KCNIP1: variants seen among roughly 807,000 people sequenced by gnomAD.
KCNIP1 encodes the protein A-type potassium channel modulatory protein KCNIP1.
Under a neutral mutation model 33.0 loss-of-function variants are expected in KCNIP1, and 18 were observed. That is an observed-to-expected ratio of 0.55 (90% CI 0.38 to 0.81). The LOEUF (loss-of-function observed/expected upper bound fraction) is 0.81, where lower values mean the gene tolerates loss of function less well. Among genes scored for constraint, KCNIP1 ranks in the 30% least tolerant of loss-of-function variants. The pLI is 0.00. For missense variants in KCNIP1, 238 were observed against 271.6 expected, an observed-to-expected ratio of 0.88 and a Z score of 0.87; for synonymous variants, 93 against 98.3, an observed-to-expected ratio of 0.95 and a Z score of 0.32.
chr5:170,680,129 G>C (rs918103891), intron 1 of KCNIP1, among the ~76,000 whole-genome samples: 2 of 152,084 alleles, frequency 1.3e-5, no homozygotes, highest in African/African-American at 4.8e-5. Flanking sequence ...CTTTACACAG[G>C]TTCTCTTATT....
intron 1 of KCNIP1, among the ~76,000 whole-genome samples, chr5:170,592,956 T>A (rs1398427464): frequency 6.6e-6 from 1 of 151,996 alleles, no homozygotes; most frequent in Non-Finnish European, 1.5e-5. Flanking sequence ...GGATGTAAAA[T>A]AGCCCAGCTA....
chr5:170,707,614 A>G lies in KCNIP1; in HGVS notation c.62-11144A>G, dbSNP rs111645581. On this transcript the variant is annotated intron_variant, in intron 1 of 7. Coordinates refer to ENST00000328939, the MANE Select transcript of KCNIP1 (RefSeq NM_014592.4). Reference sequence around the variant, plus strand: ...CTGCTCCTGAGAATCTGTAAGGGACATTTGACACTCCTCTCCCCACCCACC... The same window carrying G: ...CTGCTCCTGAGAATCTGTAAGGGACGTTTGACACTCCTCTCCCCACCCACC... Among the ~76,000 whole-genome samples the G allele has an allele frequency of 3.5e-3, 534 of 152,286 alleles. 2 individuals carry two copies. The highest frequency in any genetic ancestry group is 0.012 in the African/African-American group (489 of 41,558).
At chr5:170,498,779 T>C (rs1370092268) in intron 1 of KCNIP1, among the ~76,000 whole-genome samples, 1 of 152,168 alleles carries the variant, frequency 6.6e-6, no homozygotes, top group Non-Finnish European at 1.5e-5. Flanking sequence ...GAGAGACAAG[T>C]GCTTTCCCTT....
chr5:170,735,908 A>G lies in KCNIP1; in HGVS notation c.*102A>G. ...CTGATTTTACACACCAACTCTTGGG[A>G]CAGAAACACCTTTTACACTTTGGAA... On this transcript the variant is annotated 3_prime_UTR_variant, in exon 8 of 8. Coordinates refer to ENST00000328939, the MANE Select transcript of KCNIP1 (RefSeq NM_014592.4). 1 of 1,007,062 alleles carries G rather than the reference A, an allele frequency of 9.9e-7. No homozygotes were observed. The allele number at this position is 1,007,062 out of a possible 1,614,324, so 62.4% of individuals were successfully genotyped here.
intron 1 of KCNIP1, among the ~76,000 whole-genome samples, chr5:170,444,686 T>G (rs996237525): frequency 7.7e-5 from 11 of 142,214 alleles, no homozygotes; most frequent in African/African-American, 2.9e-4. Context: ...ACAAATTATA[T>G]TTTTTCTTTT....
In KCNIP1 at chr5:170,722,837, CA is replaced by C; in HGVS notation, c.435+18del. ...AACAAAGAGGTAAGTGAGCTGGGGC[CA>C]GGGGTGTGAGAGGGCTCCAGTGAAG... On this transcript the variant is annotated intron_variant, in intron 5 of 7. Transcript: ENST00000328939. 2 of 1,548,754 alleles carry C rather than the reference CA, an allele frequency of 1.3e-6. No individual in the cohort carries two copies. The highest frequency in any genetic ancestry group is 1.8e-6 in the Non-Finnish European group (2 of 1,120,932).
intron 1 of KCNIP1, among the ~76,000 whole-genome samples, chr5:170,448,553 C>A (rs533476351): frequency 1.3e-5 from 2 of 152,362 alleles, no homozygotes; most frequent in African/African-American, 2.4e-5. Flanking sequence ...AATGGAGAGA[C>A]TTGCCTGAGG....
Position 170,718,855 on chromosome 5 carries a change from G to A in KCNIP1, c.159G>A (p.Leu53=). The stretch of plus-strand genomic sequence containing the variant: ...AGACCAACTTCACCAAGAGGGAGCT[G>A]CAGGTCCTTTATCGAGGCTTCAAAA... ...EAQTNFTKRE[L]QVLYRGFKNE... is the part of the protein sequence containing the mutation. The change falls in exon 2 of 8, where the codon CTG becomes CTA. Residue 53 remains leucine, a synonymous_variant. Coordinates refer to ENST00000328939, the MANE Select transcript of KCNIP1 (RefSeq NM_014592.4). 1 of 1,610,268 alleles carries A rather than the reference G, an allele frequency of 6.2e-7. No individual in the cohort carries two copies. The highest frequency in any genetic ancestry group is 8.5e-7 in the Non-Finnish European group (1 of 1,178,884).
chr5:170,449,288 A>C (rs1756190340), intron 1 of KCNIP1, among the ~76,000 whole-genome samples: 1 of 152,242 alleles, frequency 6.6e-6, no homozygotes, highest in South Asian at 2.1e-4. Flanking sequence ...GAGCTTCCTC[A>C]TAATTGCTGA....
intron 1 of KCNIP1, among the ~76,000 whole-genome samples, chr5:170,637,572 G>A (rs576314738): frequency 7.9e-5 from 12 of 151,924 alleles, no homozygotes; most frequent in Non-Finnish European, 1.6e-4. Context: ...TCCCATAAAC[G>A]TGGCACACAC....
At chr5:170,471,196 C>T (rs532004563) in intron 1 of KCNIP1, among the ~76,000 whole-genome samples, 11 of 152,288 alleles carry the variant, frequency 7.2e-5, no homozygotes, top group African/African-American at 2.2e-4. Flanking sequence ...GGGGTCTGTG[C>T]TCCATCTCGC....
chr5:170,699,466 T>G (rs1006865092), intron 1 of KCNIP1, among the ~76,000 whole-genome samples: 1 of 151,854 alleles, frequency 6.6e-6, no homozygotes, highest in Non-Finnish European at 1.5e-5. Context: ...CTTTGCATGT[T>G]TAATCTTCCC....
At chr5:170,449,849 T>C (rs1756204520) in intron 1 of KCNIP1, among the ~76,000 whole-genome samples, 1 of 151,996 alleles carries the variant, frequency 6.6e-6, no homozygotes, top group Admixed American at 6.6e-5. Context: ...ATATAGGGCC[T>C]GGGGTCTCTA....
At chr5:170,582,682 G>A (rs1034800525) in intron 1 of KCNIP1, among the ~76,000 whole-genome samples, 1 of 152,086 alleles carries the variant, frequency 6.6e-6, no homozygotes, top group East Asian at 1.9e-4. Flanking sequence ...AGGCCAGGAG[G>A]GAAGGCCAAA....
intron 1 of KCNIP1, among the ~76,000 whole-genome samples, chr5:170,494,014 T>C (rs1194284402): frequency 1.3e-5 from 2 of 152,174 alleles, no homozygotes; most frequent in African/African-American, 4.8e-5. Context: ...AGGGACTGGC[T>C]GGGAGCCCAT....
intron 1 of KCNIP1, among the ~76,000 whole-genome samples, chr5:170,361,288 C>T (rs1370932454): frequency 6.6e-6 from 1 of 152,148 alleles, no homozygotes; most frequent in East Asian, 1.9e-4. Context: ...CATAGGCCTC[C>T]CGGGCCAGCT....
intron 1 of KCNIP1, among the ~76,000 whole-genome samples, chr5:170,470,000 C>G (rs902035249): frequency 6.6e-6 from 1 of 152,146 alleles, no homozygotes; most frequent in Admixed American, 6.6e-5. Flanking sequence ...TGCCGTTATT[C>G]TTGATTGAGG....
intron 4 of KCNIP1, among the ~76,000 whole-genome samples, chr5:170,722,467 T>C (rs1266807238): frequency 6.6e-6 from 1 of 151,684 alleles, no homozygotes; most frequent in Non-Finnish European, 1.5e-5. Context: ...CTGGCTGTGT[T>C]GATCTGTGTC....
intron 1 of KCNIP1, among the ~76,000 whole-genome samples, chr5:170,618,731 G>C (rs1200230374): frequency 6.6e-6 from 1 of 152,192 alleles, no homozygotes; most frequent in Non-Finnish European, 1.5e-5. Flanking sequence ...TTCCTAGTCT[G>C]TCAAATGGGA....
Sources: allele counts gnomAD v4.1 joint callset (sites outside exome capture counted in the v4.1 genomes callset), GRCh38; gene constraint gnomAD v4.1.1; transcripts MANE v1.5; gene names NCBI Gene and HGNC (gene_info 2026-07-23, HGNC 2026-07-21).